Variants in NCAM2 observed in about 807,000 individuals in gnomAD.
The protein encoded by NCAM2 is N-CAM-2.
NCAM2 carries 30 observed loss-of-function variants against 98.1 expected under a neutral mutation model. The ratio of observed to expected loss-of-function variants is 0.31; its 90% CI spans 0.23 to 0.41. The LOEUF is 0.41. Among genes scored for constraint, NCAM2 ranks in the 10% least tolerant of loss-of-function variants. The pLI is 1.00. For missense variants in NCAM2, 867 were observed against 1,005.8 expected (o/e 0.86, Z 1.87); for synonymous variants, 368 against 342.4 (o/e 1.07, Z -0.83).
At position 21,244,043 on chromosome 21, in the gene NCAM2, C is replaced by G. The variant is rs144113282; in HGVS notation, c.56-36535C>G. On this transcript the variant is annotated intron_variant, in intron 1 of 17. Transcript: ENST00000400546. ...AAATTTTAAGAGCTTCCAGTGTAAT[C>G]TAATGTATAACCAGAGGTGATATCC... Among the ~76,000 whole-genome samples the G allele has an allele frequency of 3.9e-5, 6 of 152,242 alleles. No individual in the cohort carries two copies. In the East Asian group the frequency reaches 1.2e-3, roughly 29 times the overall value.
At chr21:21,282,397 A>C (rs1364908540) in intron 2 of NCAM2, among the ~76,000 whole-genome samples, 1 of 151,894 alleles carries the variant, frequency 6.6e-6, no homozygotes, top group East Asian at 1.9e-4. Flanking sequence ...GCTCTTAATA[A>C]GAATGTAAAC....
intron 1 of NCAM2, among the ~76,000 whole-genome samples, chr21:21,242,141 G>A (rs1601742015): frequency 1.6e-5 from 1 of 62,640 alleles, no homozygotes; most frequent in South Asian, 8.7e-4. Flanking sequence ...ATGTTTACCA[G>A]TTCTTTGTTA....
intron 1 of NCAM2, among the ~76,000 whole-genome samples, chr21:21,006,429 A>C (rs1394950854): frequency 6.6e-6 from 1 of 152,158 alleles, no homozygotes; most frequent in East Asian, 1.9e-4. Flanking sequence ...AAATCACTTG[A>C]GTCTGGGAGG....
At chr21:21,445,430 G>T (rs960477354) in intron 12 of NCAM2, among the ~76,000 whole-genome samples, 3 of 152,028 alleles carry the variant, frequency 2.0e-5, no homozygotes, top group African/African-American at 7.2e-5. Context: ...ATTGTCATTG[G>T]GGTGTTAAAG....
chr21:21,466,697 A>G lies in NCAM2; in HGVS notation c.1746A>G (p.Lys582=). Residue 582 remains lysine, a synonymous_variant, in exon 13 of 18, where the codon AAA becomes AAG. Coordinates refer to ENST00000400546, the MANE Select transcript of NCAM2 (RefSeq NM_004540.5). Reference sequence around the variant, plus strand: ...GAAAGGGACAAGGAGACTACAGTAAAATAGAAATCTTCCAAACATTACCAG... The same window carrying G: ...GAAAGGGACAAGGAGACTACAGTAAGATAGAAATCTTCCAAACATTACCAG... ...VNGKGQGDYS[K]IEIFQTLPVR... 6.2e-7 allele frequency: 1 copy of G among 1,609,114 alleles called. No homozygotes were observed.
chr21:21,262,909 T>C (rs575747714), intron 1 of NCAM2, among the ~76,000 whole-genome samples: 3 of 152,156 alleles, frequency 2.0e-5, no homozygotes, highest in African/African-American at 7.2e-5. Flanking sequence ...TTTAAAATCA[T>C]CAGCTCTCAT....
chr21:21,185,354 C>T (rs762474408), intron 1 of NCAM2, among the ~76,000 whole-genome samples: 38 of 151,998 alleles, frequency 2.5e-4, no homozygotes, highest in Non-Finnish European at 5.1e-4. Flanking sequence ...ACTTAAGGCA[C>T]GTGGTTATGA....
At chr21:21,451,999 A>T (rs1189820398) in intron 12 of NCAM2, among the ~76,000 whole-genome samples, 2 of 151,980 alleles carry the variant, frequency 1.3e-5, no homozygotes, top group Non-Finnish European at 2.9e-5. Context: ...ACTTAATTCT[A>T]CAAATATTTG....
At chr21:21,102,500 A>C (rs1463285774) in intron 1 of NCAM2, among the ~76,000 whole-genome samples, 2 of 151,968 alleles carry the variant, frequency 1.3e-5, no homozygotes, top group African/African-American at 4.8e-5. Flanking sequence ...TCATTCATAA[A>C]ATTTTTTGGC....
At chr21:21,175,746 G>A (rs1601570829) in intron 1 of NCAM2, among the ~76,000 whole-genome samples, 2 of 152,116 alleles carry the variant, frequency 1.3e-5, no homozygotes, top group Admixed American at 6.5e-5. Context: ...AGAGAAGGAA[G>A]CCATGGAGAG....
At chr21:21,313,541 A>G (rs1482872023) in intron 5 of NCAM2, among the ~76,000 whole-genome samples, 1 of 151,880 alleles carries the variant, frequency 6.6e-6, no homozygotes, top group Non-Finnish European at 1.5e-5. Context: ...TAGCATTTGA[A>G]TGGCATATTT....
chr21:21,080,712 A>G (rs1160053924), intron 1 of NCAM2, among the ~76,000 whole-genome samples: 2 of 148,732 alleles, frequency 1.3e-5, no homozygotes, highest in Non-Finnish European at 3.0e-5. Flanking sequence ...AACATTTATT[A>G]CTCTCTAAAT....
At chr21:21,275,761 CTT>C (rs1188193237) in intron 1 of NCAM2, among the ~76,000 whole-genome samples, 1 of 152,110 alleles carries the variant, frequency 6.6e-6, no homozygotes, top group African/African-American at 2.4e-5. Context: ...CACAGGTAAA[CTT>C]ATATATTTAT....
intron 9 of NCAM2, among the ~76,000 whole-genome samples, chr21:21,381,197 T>C (rs1480174715): frequency 2.0e-5 from 3 of 152,122 alleles, no homozygotes; most frequent in Admixed American, 1.3e-4. Context: ...GTCTCTGCCA[T>C]ATTTTTTTTT....
intron 8 of NCAM2, among the ~76,000 whole-genome samples, chr21:21,361,143 C>T (rs2075634242): frequency 6.6e-6 from 1 of 152,076 alleles, no homozygotes; most frequent in South Asian, 2.1e-4. Context: ...ACTCTAACAT[C>T]AGTCCAGTAA....
At chr21:21,411,110 A>G (rs1449805031) in intron 10 of NCAM2, among the ~76,000 whole-genome samples, 7 of 26,974 alleles carry the variant, frequency 2.6e-4, no homozygotes, top group East Asian at 7.1e-4. Flanking sequence ...ATACATATAT[A>G]TGTATATATA....
chr21:21,323,865 T>C (rs2074440880), intron 5 of NCAM2, among the ~76,000 whole-genome samples: 1 of 152,154 alleles, frequency 6.6e-6, no homozygotes. Flanking sequence ...GACACCTAAT[T>C]TGAAAGCCCT....
At chr21:21,134,505 T>G (rs2067001938) in intron 1 of NCAM2, among the ~76,000 whole-genome samples, 1 of 152,150 alleles carries the variant, frequency 6.6e-6, no homozygotes, top group South Asian at 2.1e-4. Flanking sequence ...TAATGGTCCA[T>G]TAAACTCTGA....
At chr21:21,414,636 T>A (rs1312940913) in intron 10 of NCAM2, among the ~76,000 whole-genome samples, 2 of 151,242 alleles carry the variant, frequency 1.3e-5, no homozygotes, top group African/African-American at 2.4e-5. Flanking sequence ...CGCCCGGCTA[T>A]TTTTTTGTAT....
Sources: allele counts gnomAD v4.1 joint callset (sites outside exome capture counted in the v4.1 genomes callset), GRCh38; gene constraint gnomAD v4.1.1; transcripts MANE v1.5; gene names NCBI Gene and HGNC (gene_info 2026-07-23, HGNC 2026-07-21).